Variants in TRAPPC9 observed in about 807,000 individuals in gnomAD.
TRAPPC9 encodes IKK2 binding protein.
A neutral mutation model predicts 124.0 loss-of-function variants in TRAPPC9; 83 were observed. That is an observed-to-expected ratio of 0.67 (90% CI 0.56 to 0.80). The LOEUF (loss-of-function observed/expected upper bound fraction) is 0.80, where lower values mean the gene tolerates loss of function less well. Ranked by LOEUF, TRAPPC9 falls within the 30% of genes least tolerant of loss-of-function variation. The probability of loss-of-function intolerance (pLI) is 0.00; values close to 1 mark genes in which losing one functional copy is unlikely to be tolerated. For synonymous variants in TRAPPC9, 638 were observed against 617.5 expected, an observed-to-expected ratio of 1.03 and a Z score of -0.49; for missense variants, 1,302 against 1,508.3, an observed-to-expected ratio of 0.86 and a Z score of 2.27.
intron 19 of TRAPPC9, among the ~76,000 whole-genome samples, chr8:139,979,854 C>T (rs1441427533): frequency 3.3e-5 from 5 of 152,098 alleles, no homozygotes; most frequent in Non-Finnish European, 7.4e-5. Context: ...AAAGAAGAGC[C>T]GTGGCCGATG....
chr8:139,996,575 G>A (rs904209185), intron 18 of TRAPPC9, among the ~76,000 whole-genome samples: 13 of 151,368 alleles, frequency 8.6e-5, no homozygotes, highest in African/African-American at 2.2e-4. Flanking sequence ...ATGGGACAAC[G>A]AAACCTCTAA....
chr8:139,803,932 G>C (rs949873744), intron 21 of TRAPPC9, among the ~76,000 whole-genome samples: 6 of 152,030 alleles, frequency 3.9e-5, no homozygotes, highest in Non-Finnish European at 8.8e-5. Flanking sequence ...GTTTACCACA[G>C]ATGAAGAAAG....
chr8:140,246,984 CA>C (rs61104211), intron 16 of TRAPPC9, among the ~76,000 whole-genome samples: 9,483 of 145,546 alleles, frequency 0.065, 518 homozygotes, highest in African/African-American at 0.15. Context: ...GACTTTGTCT[CA>C]AAAAAAAAAA....
chr8:140,214,525 T>G (rs2063144154), intron 17 of TRAPPC9, among the ~76,000 whole-genome samples: 1 of 152,236 alleles, frequency 6.6e-6, no homozygotes, highest in South Asian at 2.1e-4. Flanking sequence ...TTCCAATGAA[T>G]TATTTCCTAA....
intron 16 of TRAPPC9, among the ~76,000 whole-genome samples, chr8:140,236,228 G>A (rs28755866): frequency 0.43 from 64,756 of 151,574 alleles, 14,672 homozygotes; most frequent in Middle Eastern, 0.51. Context: ...GATTATAAGC[G>A]TGTGCCACCA....
At chr8:139,821,438 G>A (rs1332575780) in intron 21 of TRAPPC9, among the ~76,000 whole-genome samples, 1 of 152,202 alleles carries the variant, frequency 6.6e-6, no homozygotes, top group Admixed American at 6.5e-5. Context: ...GTCAGCATGC[G>A]GGTCTCAGAG....
intron 19 of TRAPPC9, among the ~76,000 whole-genome samples, chr8:139,979,015 C>G (rs937232770): frequency 4.1e-5 from 5 of 120,796 alleles, no homozygotes; most frequent in Non-Finnish European, 9.2e-5. Context: ...GCTCCCATCC[C>G]CAGGAGGGGA....
At chr8:139,745,654 G>C (rs543443349) in intron 21 of TRAPPC9, among the ~76,000 whole-genome samples, 2 of 152,346 alleles carry the variant, frequency 1.3e-5, no homozygotes, top group East Asian at 3.9e-4. Context: ...GGCCCAGCAG[G>C]CTCTGGGATT....
chr8:140,033,658 GTTTTTTTT>G lies in TRAPPC9; in HGVS notation c.2557-9587_2557-9580del, dbSNP rs776155126. Among the ~76,000 whole-genome samples, 391 of 42,310 alleles carry G rather than the reference GTTTTTTTT, an allele frequency of 9.2e-3. 22 individuals carry two copies. The highest frequency in any genetic ancestry group is 0.015 in the Non-Finnish European group (263 of 18,072). The allele number at this position is 42,310 out of a possible 152,430, so 27.8% of individuals were successfully genotyped here. ...TTGAAATGCAACTCTTCATAATGTG[GTTTTTTTT>G]TTTTTTTTTTTTTTTTTTTTTTTTT... On this transcript the variant is annotated intron_variant, in intron 17 of 22. Transcript: ENST00000438773.
chr8:140,410,106 A>G (rs2069643260), intron 5 of TRAPPC9, among the ~76,000 whole-genome samples: 1 of 134,314 alleles, frequency 7.4e-6, no homozygotes, highest in Non-Finnish European at 1.5e-5. Context: ...ATGCCACTGC[A>G]CTCCAGCCTG....
At chr8:139,983,493 C>G (rs77185797) in intron 19 of TRAPPC9, among the ~76,000 whole-genome samples, 1 of 151,912 alleles carries the variant, frequency 6.6e-6, no homozygotes, top group African/African-American at 2.4e-5. Context: ...TGTTTGTGTG[C>G]TTTTCTTCCA....
chr8:139,937,322 A>C (rs1833595467), intron 19 of TRAPPC9, among the ~76,000 whole-genome samples: 1 of 152,182 alleles, frequency 6.6e-6, no homozygotes, highest in African/African-American at 2.4e-5. Context: ...GCGGGCCCAG[A>C]GAGGGAGGTA....
intron 10 of TRAPPC9, among the ~76,000 whole-genome samples, 173 bp from the exon 11 acceptor site, chr8:140,300,787 G>C (rs1025658393): frequency 6.6e-6 from 1 of 152,224 alleles, no homozygotes; most frequent in South Asian, 2.1e-4. Context: ...TGTTGCAACA[G>C]TAACTCAAGA....
At chr8:140,370,150 GTTT>G (rs1323130647) in intron 8 of TRAPPC9, among the ~76,000 whole-genome samples, 2 of 150,388 alleles carry the variant, frequency 1.3e-5, no homozygotes, top group African/African-American at 4.9e-5. Context: ...GTTTTTTTGG[GTTT>G]TTTTTAGATA....
At chr8:139,971,152 C>T (rs1405414549) in intron 19 of TRAPPC9, among the ~76,000 whole-genome samples, 3 of 152,142 alleles carry the variant, frequency 2.0e-5, no homozygotes, top group African/African-American at 4.8e-5. Context: ...TCACTCACCC[C>T]TTCCAGGCAC....
intron 21 of TRAPPC9, among the ~76,000 whole-genome samples, chr8:139,791,545 GCACT>G (rs368373412): frequency 1.1e-3 from 139 of 131,578 alleles, no homozygotes; most frequent in African/African-American, 3.8e-3. Context: ...CGTCTCTCCT[GCACT>G]CACTCACACA....
intron 21 of TRAPPC9, among the ~76,000 whole-genome samples, chr8:139,802,331 A>G (rs1416393272): frequency 6.6e-6 from 1 of 152,080 alleles, no homozygotes; most frequent in African/African-American, 2.4e-5. Context: ...CTGGCTTTTC[A>G]CTAGGGGTGG....
At chr8:140,020,421 T>C (rs533460495) in intron 18 of TRAPPC9, among the ~76,000 whole-genome samples, 3 of 152,004 alleles carry the variant, frequency 2.0e-5, no homozygotes, top group Non-Finnish European at 4.4e-5. Context: ...AGGCCAGGGG[T>C]TTGAGACCAG....
At position 139,731,334 on chromosome 8, in the gene TRAPPC9, C is replaced by T. The variant is rs574847063; in HGVS notation, c.3280-106G>A. The T allele has an allele frequency of 2.5e-4, 344 of 1,374,378 alleles. No homozygotes were observed. In the African/African-American group the frequency reaches 4.2e-3, roughly 17 times the overall value. 85.1% of individuals were successfully genotyped at this position (1,374,378 alleles called of 1,614,324 possible). On this transcript the variant is annotated intron_variant, in intron 22 of 22. Transcript: ENST00000438773. Reference sequence around the variant, plus strand: ...CTGGACATAGGTGTTATGGGGGAAGCGAGGGCCGCCCAGGCCTGGCTCCAG... The same window carrying T: ...CTGGACATAGGTGTTATGGGGGAAGTGAGGGCCGCCCAGGCCTGGCTCCAG...
Sources: gnomAD v4.1 joint callset for allele counts (sites outside exome capture counted in the v4.1 genomes callset) on GRCh38, gnomAD v4.1.1 for gene constraint, MANE v1.5 for transcripts, NCBI Gene and HGNC (gene_info 2026-07-23, HGNC 2026-07-21) for gene names.